The following RFTN2 variants were observed in gnomAD, a reference collection of about 807,000 sequenced individuals.
The protein encoded by RFTN2 is raftlin family member 2.
A neutral mutation model predicts 52.7 loss-of-function variants in RFTN2; 34 were observed. The ratio of observed to expected loss-of-function variants is 0.64; its 90% CI spans 0.49 to 0.86. The LOEUF (loss-of-function observed/expected upper bound fraction) is 0.86, where lower values mean the gene tolerates loss of function less well. Ranked by LOEUF, RFTN2 falls within the 40% of genes least tolerant of loss-of-function variation. The pLI is 0.00. For missense variants in RFTN2, 536 were observed against 600.1 expected (o/e 0.89, Z 1.12); for synonymous variants, 203 against 217.7 (o/e 0.93, Z 0.59).
intron 8 of RFTN2, among the ~76,000 whole-genome samples, chr2:197,573,141 A>G (rs1047584388): frequency 6.6e-6 from 1 of 152,136 alleles, no homozygotes; most frequent in South Asian, 2.1e-4. Context: ...CCAAAAATGT[A>G]GAAGCGACTT....
intron 8 of RFTN2, among the ~76,000 whole-genome samples, chr2:197,578,027 C>A (rs1222624714): frequency 6.6e-6 from 1 of 152,174 alleles, no homozygotes; most frequent in Non-Finnish European, 1.5e-5. Flanking sequence ...AGAATGCATT[C>A]ATTCTTGAAT....
At chr2:197,632,946 A>G (rs1354229031) in intron 4 of RFTN2, among the ~76,000 whole-genome samples, 1 of 152,172 alleles carries the variant, frequency 6.6e-6, no homozygotes, top group Non-Finnish European at 1.5e-5. Flanking sequence ...TTTCTTATTT[A>G]CTTCTCACAA....
At chr2:197,662,585 G>A (rs1295287596) in intron 1 of RFTN2, among the ~76,000 whole-genome samples, 1 of 151,382 alleles carries the variant, frequency 6.6e-6, no homozygotes, top group Non-Finnish European at 1.5e-5. Flanking sequence ...TGGCTATTCT[G>A]ACTCTTTTGT....
chr2:197,595,844 T>C (rs551059986), intron 8 of RFTN2, 147 bp downstream of exon 8: 64 of 535,856 alleles, frequency 1.2e-4, no homozygotes, highest in Admixed American at 1.1e-4. Flanking sequence ...TCATGTTGCC[T>C]GATTGCTAGC....
At chr2:197,583,519 C>T (rs1394481579) in intron 8 of RFTN2, among the ~76,000 whole-genome samples, 1 of 152,140 alleles carries the variant, frequency 6.6e-6, no homozygotes, top group East Asian at 1.9e-4. Flanking sequence ...CCTTCATACC[C>T]TTTACCATCC....
At position 197,633,875 on chromosome 2, in the gene RFTN2, T is replaced by A. The variant is rs1202248520; in HGVS notation, c.561A>T (p.Arg187Ser). ...TTCTACAGTTTTCATCTGAACCGTGTCTCACATGTAGCATCGATTCTATAT... is the reference window on the plus strand; with the variant it reads ...TTCTACAGTTTTCATCTGAACCGTGACTCACATGTAGCATCGATTCTATAT... Reference protein sequence around the residue: ...DGDIESMLHVRHGSDENCRSW... With the variant: ...DGDIESMLHVSHGSDENCRSW... The change falls in exon 4 of 9, where the codon AGA becomes AGT. Residue 187 changes from arginine (R) to serine (S), a missense_variant. Transcript: ENST00000295049. 2 of 1,613,880 alleles carry A rather than the reference T, an allele frequency of 1.2e-6. No individual in the cohort carries two copies. Among genetic ancestry groups the A allele is most frequent in the Non-Finnish European group, 1.7e-6 (2 of 1,179,914 alleles).
At chr2:197,575,007 AC>A (rs1389100600) in intron 8 of RFTN2, among the ~76,000 whole-genome samples, 2 of 152,174 alleles carry the variant, frequency 1.3e-5, no homozygotes, top group Non-Finnish European at 2.9e-5. Flanking sequence ...CTGTGTCCTC[AC>A]CCAAATCTCA....
chr2:197,631,092 C>T lies in RFTN2; in HGVS notation c.847G>A (p.Asp283Asn), dbSNP rs767788552. 163 of 1,613,194 alleles carry T rather than the reference C, an allele frequency of 1.0e-4. 3 individuals carry two copies. Among genetic ancestry groups the T allele is most frequent in the South Asian group, 7.0e-4 (64 of 91,048 alleles). The change falls in exon 5 of 9, where the codon GAT becomes AAT. Residue 283 changes from aspartate to asparagine, a missense_variant. Asp to Asn is a conservative substitution (Grantham distance 23). Coordinates refer to ENST00000295049, the MANE Select transcript of RFTN2 (RefSeq NM_144629.3). ...KGSVISTLDA[D>N]WLELTTFYYK... ...TAAAAGGTAGTTAACTCCAGCCAAT[C>T]AGCATCAAGTGTACTAATGACTGAT... is the stretch of plus-strand genomic sequence containing the variant.
In RFTN2 at chr2:197,637,193, A is replaced by G. The variant is rs1183505195; in HGVS notation, c.439-3196T>C. Among the ~76,000 whole-genome samples, 352 of 151,560 alleles carry G rather than the reference A, an allele frequency of 2.3e-3. 1 individual carries two copies. Among genetic ancestry groups the G allele is most frequent in the African/African-American group, 7.7e-3 (319 of 41,258 alleles). On this transcript the variant is annotated intron_variant, in intron 3 of 8. Transcript: ENST00000295049. The stretch of plus-strand genomic sequence containing the variant: ...CAATGTTCATCAAGGATATTGGTCT[A>G]AAATTCTCTTTTTTGGTTGTGTCTC...
chr2:197,585,543 A>T (rs1239306051), intron 8 of RFTN2, among the ~76,000 whole-genome samples: 1 of 152,026 alleles, frequency 6.6e-6, no homozygotes, highest in Admixed American at 6.6e-5. Context: ...TCTTATTCTC[A>T]TTCCCATTCT....
chr2:197,627,546 C>G (rs976268023), intron 5 of RFTN2, among the ~76,000 whole-genome samples: 1 of 152,168 alleles, frequency 6.6e-6, no homozygotes, highest in Admixed American at 6.5e-5. Context: ...TACCTCTCCT[C>G]TACTAGTGCC....
intron 3 of RFTN2, among the ~76,000 whole-genome samples, chr2:197,638,360 T>A (rs1329249702): frequency 1.9e-4 from 19 of 101,306 alleles, no homozygotes; most frequent in Non-Finnish European, 3.0e-4. Flanking sequence ...CCCATTATTA[T>A]TGTGTGGGAG....
rs557425474 is a variant in RFTN2 at position 197,589,300 on chromosome 2, C to T, written c.1233+6691G>A. Reference sequence around the variant, plus strand: ...TTTGCCTGCCGCCATCCACCATCCACGTAAGATGTGACTTGCTCCTCCTTG... The same window carrying T: ...TTTGCCTGCCGCCATCCACCATCCATGTAAGATGTGACTTGCTCCTCCTTG... On this transcript the variant is annotated intron_variant, in intron 8 of 8. Transcript: ENST00000295049. Among the ~76,000 whole-genome samples, 8 of 148,144 alleles carry T rather than the reference C, an allele frequency of 5.4e-5. No homozygotes were observed. In the East Asian group the frequency reaches 6.0e-4, roughly 11 times the overall value.
intron 5 of RFTN2, among the ~76,000 whole-genome samples, chr2:197,619,312 TG>T (rs2088215201): frequency 6.6e-6 from 1 of 151,764 alleles, no homozygotes. Flanking sequence ...GGGGGAAAGG[TG>T]GGGAAAAGAT....
intron 3 of RFTN2, among the ~76,000 whole-genome samples, chr2:197,640,654 A>G (rs1251623216): frequency 1.3e-5 from 2 of 151,338 alleles, no homozygotes; most frequent in Non-Finnish European, 3.0e-5. Flanking sequence ...TAGTGAGATG[A>G]ACCCGGTACC....
chr2:197,638,883 G>T (rs902804180), intron 3 of RFTN2, among the ~76,000 whole-genome samples: 7 of 151,386 alleles, frequency 4.6e-5, no homozygotes, highest in Non-Finnish European at 1.0e-4. Flanking sequence ...GGTACCGGTT[G>T]TTCCTTTCCA....
rs1304708667 is a variant in RFTN2, at chr2:197,659,585, AGGCGG to A, written c.140-12924_140-12920del. Among the ~76,000 whole-genome samples the A allele has an allele frequency of 6.0e-3, 911 of 152,026 alleles. 12 individuals carry two copies. Among genetic ancestry groups the A allele is most frequent in the African/African-American group, 0.021 (868 of 41,502 alleles). ...GTAATCCCAGCACTTTGAGAGGCTGAGGCGGGTGGATTACTGCAGGTCAGGAGATC... is the reference window on the plus strand; with the variant it reads ...GTAATCCCAGCACTTTGAGAGGCTGAGTGGATTACTGCAGGTCAGGAGATC... On this transcript the variant is annotated intron_variant, in intron 1 of 8. Coordinates refer to ENST00000295049, the MANE Select transcript of RFTN2 (RefSeq NM_144629.3).
intron 7 of RFTN2, among the ~76,000 whole-genome samples, chr2:197,608,825 C>G (rs975351259): frequency 1.3e-5 from 2 of 151,752 alleles, no homozygotes; most frequent in Non-Finnish European, 2.9e-5. Context: ...ATGTTCCCCT[C>G]CCTGTGTCCA....
chr2:197,618,844 G>T (rs1007408139), intron 5 of RFTN2, among the ~76,000 whole-genome samples: 3 of 150,742 alleles, frequency 2.0e-5, no homozygotes, highest in Non-Finnish European at 4.4e-5. Flanking sequence ...GAGCCCCTCC[G>T]CCCGGCAGCC....
Sources: gnomAD v4.1 joint callset for allele counts (sites outside exome capture counted in the v4.1 genomes callset) on GRCh38, gnomAD v4.1.1 for gene constraint, MANE v1.5 for transcripts, NCBI Gene and HGNC (gene_info 2026-07-23, HGNC 2026-07-21) for gene names.